CDK14: variants seen among roughly 807,000 people sequenced by gnomAD.
The protein encoded by CDK14 is cyclin dependent kinase 14.
Under a neutral mutation model 60.7 loss-of-function variants are expected in CDK14, and 34 were observed. The observed-to-expected ratio is 0.56, with a 90% CI of 0.43 to 0.75. The LOEUF (loss-of-function observed/expected upper bound fraction) is 0.75. Among genes scored for constraint, CDK14 ranks in the 30% least tolerant of loss-of-function variants. The pLI is 0.00. For synonymous variants in CDK14, 197 were observed against 203.7 expected (o/e 0.97, Z 0.28); for missense variants, 482 against 564.1 (o/e 0.85, Z 1.47).
chr7:90,626,652 A>G (rs1799882729), intron 2 of CDK14, among the ~76,000 whole-genome samples: 1 of 152,230 alleles, frequency 6.6e-6, no homozygotes, highest in South Asian at 2.1e-4. Flanking sequence ...TTAAAAACGT[A>G]AAAGAAGCCA....
At chr7:90,628,636 C>T (rs1018100186) in intron 2 of CDK14, among the ~76,000 whole-genome samples, 2 of 151,936 alleles carry the variant, frequency 1.3e-5, no homozygotes, top group African/African-American at 4.8e-5. Flanking sequence ...GCCTAGGCAA[C>T]ATAGTGAGAT....
chr7:90,932,778 T>A (rs1793633386), intron 8 of CDK14, among the ~76,000 whole-genome samples: 1 of 152,204 alleles, frequency 6.6e-6, no homozygotes, highest in South Asian at 2.1e-4. Context: ...CACAGTCAGC[T>A]AGGCCTTCTC....
At chr7:90,647,510 CT>C (rs35863423) in intron 2 of CDK14, among the ~76,000 whole-genome samples, 8 of 147,704 alleles carry the variant, frequency 5.4e-5, no homozygotes, top group Non-Finnish European at 3.0e-5. Context: ...ATTTTTTTAT[CT>C]TTTTTTTTTT....
intron 6 of CDK14, among the ~76,000 whole-genome samples, chr7:90,888,357 A>C (rs35114904): frequency 0.048 from 7,253 of 152,198 alleles, 265 homozygotes; most frequent in Non-Finnish European, 0.073. Context: ...TAAAAATAAT[A>C]ATAATAATAA....
At chr7:90,971,156 T>TG (rs1400475859) in intron 9 of CDK14, among the ~76,000 whole-genome samples, 1 of 151,768 alleles carries the variant, frequency 6.6e-6, no homozygotes, top group African/African-American at 2.4e-5. Context: ...ACATGTGGTT[T>TG]TTTTTTTTTT....
chr7:91,051,149 A>G (rs1447679610), intron 11 of CDK14, among the ~76,000 whole-genome samples: 2 of 152,184 alleles, frequency 1.3e-5, no homozygotes, highest in Non-Finnish European at 2.9e-5. Flanking sequence ...TTTAACAACC[A>G]GATCTCTCAC....
intron 4 of CDK14, among the ~76,000 whole-genome samples, chr7:90,778,532 G>T (rs994980467): frequency 6.6e-6 from 1 of 152,170 alleles, no homozygotes; most frequent in Non-Finnish European, 1.5e-5. Flanking sequence ...AGACACAGAA[G>T]TTAATCATGC....
chr7:90,688,342 T>C (rs1801483092), intron 2 of CDK14, among the ~76,000 whole-genome samples: 1 of 152,146 alleles, frequency 6.6e-6, no homozygotes, highest in African/African-American at 2.4e-5. Flanking sequence ...GAAAAGGAAA[T>C]ATAAAAGGAA....
intron 3 of CDK14, among the ~76,000 whole-genome samples, chr7:90,739,219 G>A (rs995949252): frequency 3.9e-5 from 6 of 152,046 alleles, no homozygotes; most frequent in African/African-American, 1.4e-4. Flanking sequence ...AGTTTCACAG[G>A]GCAGATAATA....
chr7:90,839,978 A>C (rs1790237154), intron 5 of CDK14, among the ~76,000 whole-genome samples: 1 of 152,156 alleles, frequency 6.6e-6, no homozygotes, highest in African/African-American at 2.4e-5. Flanking sequence ...ATCTAGAAGG[A>C]TGTAAAAAGA....
rs540667210 is a variant in CDK14 at position 90,860,010 on chromosome 7, A to G, written c.545-3165A>G. On this transcript the variant is annotated intron_variant, in intron 5 of 14. Transcript: ENST00000380050. ...AATGAAGACATAATGTTTTTAATGT[A>G]ATGGTAAAGAGGAAACTTCTGTGTT... Among the ~76,000 whole-genome samples, 3 of 152,304 alleles carry G rather than the reference A, an allele frequency of 2.0e-5. No individual in the cohort carries two copies. In the South Asian group the frequency reaches 6.2e-4, roughly 32 times the overall value.
chr7:90,689,997 A>G (rs941727796), intron 2 of CDK14, among the ~76,000 whole-genome samples: 3 of 152,170 alleles, frequency 2.0e-5, no homozygotes, highest in African/African-American at 7.2e-5. Flanking sequence ...TACATTACGA[A>G]GACTAACTAC....
At chr7:90,616,929 A>ATT (rs112306151) in intron 2 of CDK14, among the ~76,000 whole-genome samples, 25 of 150,150 alleles carry the variant, frequency 1.7e-4, no homozygotes, top group South Asian at 4.2e-4. Flanking sequence ...CATTTTGATT[A>ATT]TTTTTTTTTC....
intron 2 of CDK14, among the ~76,000 whole-genome samples, chr7:90,678,197 G>A (rs993113684): frequency 2.4e-4 from 37 of 152,186 alleles, no homozygotes; most frequent in Non-Finnish European, 5.4e-4. Flanking sequence ...AATTTCAAAT[G>A]AAGCCACAGC....
At position 90,786,625 on chromosome 7, in the gene CDK14, CT is replaced by C. The variant is rs138115551; in HGVS notation, c.465-3945del. 3.9e-3 allele frequency among the ~76,000 whole-genome samples: 594 copies of C among 152,184 alleles called. 3 individuals are homozygous for C. Among genetic ancestry groups the C allele is most frequent in the Non-Finnish European group, 6.7e-3 (458 of 67,996 alleles). ...GTCAAATATTTCAGGTCATATTAAA[CT>C]TTAAAATAAGGCTGGACACAGTGGT... is the stretch of plus-strand genomic sequence containing the variant. On this transcript the variant is annotated intron_variant, in intron 4 of 14. Coordinates refer to ENST00000380050, the MANE Select transcript of CDK14 (RefSeq NM_001287135.2).
intron 4 of CDK14, among the ~76,000 whole-genome samples, chr7:90,756,662 G>T (rs890753088): frequency 6.6e-6 from 1 of 152,168 alleles, no homozygotes; most frequent in African/African-American, 2.4e-5. Context: ...ATGTCATATA[G>T]CAGGACTTGA....
chr7:91,186,216 CCCTCCCCTCTCCTCT>C (rs1802183492), intron 14 of CDK14, among the ~76,000 whole-genome samples: 1 of 5,242 alleles, frequency 1.9e-4, no homozygotes, highest in Non-Finnish European at 4.0e-4. Flanking sequence ...TCCTCTCCTC[CCCTCCCCTCTCCTCT>C]CCTCCCCTCC....
At chr7:90,831,453 A>G (rs1789907606) in intron 5 of CDK14, among the ~76,000 whole-genome samples, 1 of 152,302 alleles carries the variant, frequency 6.6e-6, no homozygotes, top group East Asian at 1.9e-4. Context: ...CCCTTGACAC[A>G]TGGAGATTAC....
chr7:90,824,409 A>C (rs989604416), intron 5 of CDK14, among the ~76,000 whole-genome samples: 1 of 152,172 alleles, frequency 6.6e-6, no homozygotes, highest in Non-Finnish European at 1.5e-5. Flanking sequence ...AAGAGTGAAC[A>C]TGGTGTTTGT....
Sources: gnomAD v4.1 joint callset for allele counts (sites outside exome capture counted in the v4.1 genomes callset) on GRCh38, gnomAD v4.1.1 for gene constraint, MANE v1.5 for transcripts, NCBI Gene and HGNC (gene_info 2026-07-23, HGNC 2026-07-21) for gene names.